SMYD3: variants seen among roughly 807,000 people sequenced by gnomAD.
The protein encoded by SMYD3 is SET and MYND domain containing 3, also known as histone-lysine N-methyltransferase SMYD3.
SMYD3 carries 36 observed loss-of-function variants against 57.7 expected under a neutral mutation model. The observed-to-expected ratio is 0.62, with a 90% CI of 0.48 to 0.82. The LOEUF (loss-of-function observed/expected upper bound fraction) is 0.82, where lower values mean the gene tolerates loss of function less well. SMYD3 is among the 40% of genes least tolerant of loss of function. SMYD3 has a pLI of 0.00. For synonymous variants in SMYD3, 211 were observed against 195.0 expected (o/e 1.08, Z -0.68); for missense variants, 515 against 538.8 (o/e 0.96, Z 0.44).
At chr1:245,956,003 A>G in intron 5 of SMYD3, 1 of 985,372 alleles carries the variant, frequency 1.0e-6, no homozygotes, top group Non-Finnish European at 1.2e-6. Flanking sequence ...GAATTTCCAT[A>G]GGAACACTGT....
At chr1:245,985,182 G>A (rs2058678042) in intron 5 of SMYD3, among the ~76,000 whole-genome samples, 1 of 151,998 alleles carries the variant, frequency 6.6e-6, no homozygotes, top group Non-Finnish European at 1.5e-5. Flanking sequence ...ATCCCTATAA[G>A]TGCTGGGGAT....
chr1:246,257,557 CTTG>C (rs887160831), intron 5 of SMYD3, among the ~76,000 whole-genome samples: 2 of 152,124 alleles, frequency 1.3e-5, no homozygotes, highest in Non-Finnish European at 2.9e-5. Flanking sequence ...ATGACTGGGT[CTTG>C]TTGTTTTATC....
chr1:246,353,862 T>C (rs1468225388), intron 2 of SMYD3, among the ~76,000 whole-genome samples: 1 of 152,216 alleles, frequency 6.6e-6, no homozygotes, highest in Non-Finnish European at 1.5e-5. Flanking sequence ...TTAGTACAGA[T>C]TCAGAAACTG....
chr1:246,289,030 G>A (rs1197648), intron 5 of SMYD3, among the ~76,000 whole-genome samples: 2,285 of 152,188 alleles, frequency 0.015, 30 homozygotes, highest in African/African-American at 0.036. Flanking sequence ...CAGGAGAATC[G>A]CTTGAACCCA....
At chr1:245,889,820 A>G (rs1177048884) in intron 8 of SMYD3, among the ~76,000 whole-genome samples, 1 of 152,216 alleles carries the variant, frequency 6.6e-6, no homozygotes, top group Admixed American at 6.5e-5. Flanking sequence ...AAGGAATCAC[A>G]TTACCTGACT....
intron 1 of SMYD3, among the ~76,000 whole-genome samples, chr1:246,419,162 G>A (rs1012341467): frequency 4.6e-5 from 7 of 152,002 alleles, no homozygotes; most frequent in South Asian, 2.1e-4. Flanking sequence ...TAACTCCACC[G>A]CCTATCTCTA....
intron 8 of SMYD3, among the ~76,000 whole-genome samples, chr1:245,884,290 TG>T (rs2052956641): frequency 6.6e-6 from 1 of 152,176 alleles, no homozygotes; most frequent in South Asian, 2.1e-4. Flanking sequence ...CATTGTCTCA[TG>T]CCAGGGTAAT....
Position 246,155,666 on chromosome 1 carries a change from T to C in SMYD3, c.531+171535A>G, listed in dbSNP as rs994985442. The stretch of plus-strand genomic sequence containing the variant: ...GAAGATCTGCTTCATGCCCTAAAGA[T>C]GCTCATAGTTAGCACCAAGAACTAC... On this transcript the variant is annotated intron_variant, in intron 5 of 11. Coordinates refer to ENST00000490107, the MANE Select transcript of SMYD3 (RefSeq NM_001167740.2). Among the ~76,000 whole-genome samples, 4 of 151,414 alleles carry C rather than the reference T, an allele frequency of 2.6e-5. No individual in the cohort carries two copies. In the South Asian group the frequency reaches 6.3e-4, roughly 24 times the overall value.
At chr1:246,089,243 C>T (rs140210220) in intron 5 of SMYD3, among the ~76,000 whole-genome samples, 4,401 of 152,060 alleles carry the variant, frequency 0.029, 207 homozygotes, top group African/African-American at 0.099. Context: ...CCTCCCAAAG[C>T]GCTGGGATTA....
At chr1:246,089,398 C>A (rs2060781429) in intron 5 of SMYD3, among the ~76,000 whole-genome samples, 1 of 152,154 alleles carries the variant, frequency 6.6e-6, no homozygotes, top group African/African-American at 2.4e-5. Flanking sequence ...AGTAGCACTT[C>A]ATGTTATTAT....
chr1:245,752,555 C>T lies in SMYD3; in HGVS notation c.1186-2891G>A, dbSNP rs74377228. 7.2e-3 allele frequency among the ~76,000 whole-genome samples: 1,098 copies of T among 152,336 alleles called. 18 individuals carry two copies. Among genetic ancestry groups the T allele is most frequent in the African/African-American group, 0.024 (1,018 of 41,570 alleles). Reference sequence around the variant, plus strand: ...ACTACAGGCTCCAGGCTTCCTTCCTCGCTCTTTTCTTCCAGTTCCAGTGGT... The same window carrying T: ...ACTACAGGCTCCAGGCTTCCTTCCTTGCTCTTTTCTTCCAGTTCCAGTGGT... On this transcript the variant is annotated intron_variant, in intron 11 of 11. Coordinates refer to ENST00000490107, the MANE Select transcript of SMYD3 (RefSeq NM_001167740.2).
chr1:245,818,371 C>A (rs1460884070), intron 10 of SMYD3, among the ~76,000 whole-genome samples: 1 of 152,138 alleles, frequency 6.6e-6, no homozygotes, highest in East Asian at 1.9e-4. Flanking sequence ...ACCAGGCCTG[C>A]CCTAAAAGAG....
chr1:246,047,078 T>A (rs191069809), intron 5 of SMYD3, among the ~76,000 whole-genome samples: 216 of 152,336 alleles, frequency 1.4e-3, no homozygotes, highest in African/African-American at 5.0e-3. Context: ...TTTCTAAACT[T>A]AATACATACA....
intron 5 of SMYD3, among the ~76,000 whole-genome samples, chr1:246,054,771 A>G (rs972159937): frequency 9.3e-5 from 14 of 151,266 alleles, no homozygotes; most frequent in Admixed American, 7.3e-4. Flanking sequence ...ATAGATGGCC[A>G]TTTTTATGCA....
chr1:245,850,853 T>TAA (rs2050934964), intron 10 of SMYD3, among the ~76,000 whole-genome samples: 2 of 152,202 alleles, frequency 1.3e-5, no homozygotes, highest in Non-Finnish European at 2.9e-5. Context: ...CCCATCAAGC[T>TAA]GGTCATGAGC....
rs146359318 is a variant in SMYD3, at chr1:246,480,978, T to G, written c.164+26076A>C. ...CACACCCAGCTAATTTTTTGTATTT[T>G]TAGTAGAGACAGGGTATCACAATAT... On this transcript the variant is annotated intron_variant, in intron 1 of 11. Coordinates refer to ENST00000490107, the MANE Select transcript of SMYD3 (RefSeq NM_001167740.2). Among the ~76,000 whole-genome samples, 1,313 of 152,144 alleles carry G rather than the reference T, an allele frequency of 8.6e-3. 28 individuals are homozygous for G. Among genetic ancestry groups the G allele is most frequent in the African/African-American group, 0.03 (1,261 of 41,494 alleles).
intron 10 of SMYD3, among the ~76,000 whole-genome samples, chr1:245,810,279 C>A (rs762663465): frequency 6.6e-6 from 1 of 152,224 alleles, no homozygotes; most frequent in Non-Finnish European, 1.5e-5. Flanking sequence ...GCCTACAACT[C>A]ATTCTGCAGC....
chr1:246,390,652 T>C (rs1454938931), intron 1 of SMYD3, among the ~76,000 whole-genome samples: 1 of 152,242 alleles, frequency 6.6e-6, no homozygotes, highest in African/African-American at 2.4e-5. Flanking sequence ...ACATATTTTA[T>C]TTAATCCAAC....
chr1:246,291,802 A>G (rs1276041099), intron 5 of SMYD3, among the ~76,000 whole-genome samples: 1 of 152,248 alleles, frequency 6.6e-6, no homozygotes, highest in Admixed American at 6.5e-5. Context: ...CCTTGGGAAA[A>G]TATGAATTTG....
Sources: gnomAD v4.1 joint callset for allele counts (sites outside exome capture counted in the v4.1 genomes callset) on GRCh38, gnomAD v4.1.1 for gene constraint, MANE v1.5 for transcripts, NCBI Gene and HGNC (gene_info 2026-07-23, HGNC 2026-07-21) for gene names.